The following ATP2A1 variants were observed in gnomAD, a reference collection of about 807,000 sequenced individuals.
ATP2A1 encodes ATPase sarcoplasmic/endoplasmic reticulum Ca2+ transporting 1.
In ATP2A1, 83 loss-of-function variants were observed where a neutral mutation model predicts 109.5. The observed-to-expected ratio is 0.76, with a 90% CI of 0.63 to 0.91. The LOEUF (loss-of-function observed/expected upper bound fraction) is 0.91. Among genes scored for constraint, ATP2A1 ranks in the 40% least tolerant of loss-of-function variants. The pLI, the probability that ATP2A1 is intolerant of heterozygous loss-of-function variation, is 0.00. For synonymous variants in ATP2A1, 505 were observed against 537.6 expected (o/e 0.94, Z 0.84); for missense variants, 1,101 against 1,341.0 (o/e 0.82, Z 2.80).
rs750195772 is a variant in ATP2A1 at position 28,882,554 on chromosome 16, G to T, written c.428G>T (p.Arg143Leu). The change falls in exon 5 of 23, where the codon CGG becomes CTG. Residue 143 changes from arginine (R) to leucine (L), a missense_variant. Transcript: ENST00000395503. Reference sequence around the variant, plus strand: ...AAGTCAGTGCAAAGGATCAAGGCTCGGGACATCGTCCCTGGGGACATCGTG... The same window carrying T: ...AAGTCAGTGCAAAGGATCAAGGCTCTGGACATCGTCCCTGGGGACATCGTG... Reference protein sequence around the residue: ...DRKSVQRIKARDIVPGDIVEV... With the variant: ...DRKSVQRIKALDIVPGDIVEV... 1 of 1,614,184 alleles carries T rather than the reference G, an allele frequency of 6.2e-7. No individual in the cohort carries two copies. Among genetic ancestry groups the T allele is most frequent in the Non-Finnish European group, 8.5e-7 (1 of 1,180,006 alleles).
At position 28,888,698 on chromosome 16, in the gene ATP2A1, C is replaced by T. The variant is rs566665219; in HGVS notation, c.929-89C>T. 9.9e-5 allele frequency: 147 copies of T among 1,485,960 alleles called. No homozygotes were observed. The African/African-American group carries it at 1.9e-3, about 19-fold the overall frequency. The allele number at this position is 1,485,960 out of a possible 1,614,324, so 92.0% of individuals were successfully genotyped here. The stretch of plus-strand genomic sequence containing the variant: ...AGGATTATAGGTGTGCACCAACGTG[C>T]CCAGCTGGGGGCTACTATTTAGCCC... On this transcript the variant is annotated intron_variant, in intron 8 of 22. Coordinates refer to ENST00000395503, the MANE Select transcript of ATP2A1 (RefSeq NM_004320.6).
At chr16:28,885,692 T>C (rs1255276617) in intron 6 of ATP2A1, among the ~76,000 whole-genome samples, 3 of 151,934 alleles carry the variant, frequency 2.0e-5, no homozygotes, top group Non-Finnish European at 4.4e-5. Context: ...GGACGGGTAG[T>C]GGGAGAAGGC....
chr16:28,888,258 C>T (rs976403269), intron 8 of ATP2A1, among the ~76,000 whole-genome samples: 1 of 152,158 alleles, frequency 6.6e-6, no homozygotes, highest in East Asian at 1.9e-4. Flanking sequence ...GTCTCGAACT[C>T]CTGGGCTCAA....
chr16:28,902,336 A>G lies in ATP2A1; in HGVS notation c.2474A>G (p.Lys825Arg). The G allele has an allele frequency of 6.2e-7, 1 of 1,614,066 alleles. No individual in the cohort carries two copies. The highest frequency in any genetic ancestry group is 8.5e-7 in the Non-Finnish European group (1 of 1,179,986). Residue 825 changes from lysine to arginine, a missense_variant, in exon 17 of 23, where the codon AAG becomes AGG. Physicochemically the swap from Lys to Arg is conservative, Grantham distance 26. Coordinates refer to ENST00000395503, the MANE Select transcript of ATP2A1 (RefSeq NM_004320.6). The surrounding 1 kb of genome is among the most constrained non-coding windows in gnomAD (Gnocchi z 4.8). ...ATGGACCGCCCCCCCCGGAGCCCCA[A>G]GGAGCCCCTCATCAGTGGCTGGCTC... Reference protein sequence around the residue: ...DIMDRPPRSPKEPLISGWLFF... With the variant: ...DIMDRPPRSPREPLISGWLFF...
intron 6 of ATP2A1, 36 bp downstream of exon 6, chr16:28,884,691 G>T: frequency 6.3e-7 from 1 of 1,579,296 alleles, no homozygotes; most frequent in Non-Finnish European, 8.7e-7. Flanking sequence ...CATGGGGGTG[G>T]GACGTGGGGA....
Position 28,879,041 on chromosome 16 carries a change from G to C in ATP2A1, c.119-58G>C, listed in dbSNP as rs565341699. ...CTCTTAGCCACAAAGTCTTGGGTGTGGGGGGCATGAGGCTGAACCCCAAAT... is the reference window on the plus strand; with the variant it reads ...CTCTTAGCCACAAAGTCTTGGGTGTCGGGGGCATGAGGCTGAACCCCAAAT... On this transcript the variant is annotated intron_variant, in intron 1 of 22. Coordinates refer to ENST00000395503, the MANE Select transcript of ATP2A1 (RefSeq NM_004320.6). 3.7e-6 allele frequency: 6 copies of C among 1,609,692 alleles called. No individual in the cohort carries two copies. In the African/African-American group the frequency reaches 4.0e-5, roughly 11 times the overall value.
At chr16:28,892,905 G>A (rs574764912) in intron 9 of ATP2A1, among the ~76,000 whole-genome samples, 13 of 152,232 alleles carry the variant, frequency 8.5e-5, no homozygotes, top group African/African-American at 2.4e-4. Flanking sequence ...TTAGCTGGGC[G>A]TGGTGGCGTA....
chr16:28,891,929 A>AG (rs1963784694), intron 9 of ATP2A1, among the ~76,000 whole-genome samples: 1 of 152,112 alleles, frequency 6.6e-6, no homozygotes, highest in African/African-American at 2.4e-5. Context: ...AAAAATACAT[A>AG]GGAAAGATAC....
At chr16:28,899,542 G>A (rs1249900295) in intron 14 of ATP2A1, among the ~76,000 whole-genome samples, 1 of 151,656 alleles carries the variant, frequency 6.6e-6, no homozygotes, top group Non-Finnish European at 1.5e-5. Context: ...TGGAGGCTGA[G>A]GCAGGAGAAT....
chr16:28,888,757 TTCCCTCACACCC>T lies in ATP2A1; in HGVS notation c.929-23_929-12del, dbSNP rs551640234. ...TTCCCTCACACCCTCCCCTTGCAGGTTCCCTCACACCCTCCCTCCCTCCCCACAGGTCTTCCT... is the reference window on the plus strand; with the variant it reads ...TTCCCTCACACCCTCCCCTTGCAGGTTCCCTCCCTCCCCACAGGTCTTCCT... On this transcript the variant is annotated intron_variant, in intron 8 of 22. Transcript: ENST00000395503. 1,088 of 1,610,362 alleles carry T rather than the reference TTCCCTCACACCC, an allele frequency of 6.8e-4. 14 individuals are homozygous for T. In the South Asian group the frequency reaches 0.011, roughly 16 times the overall value.
chr16:28,903,625 G>A lies in ATP2A1; in HGVS notation c.2981-75G>A, dbSNP rs1964158002. The A allele has an allele frequency of 4.8e-6, 6 of 1,255,008 alleles. No individual in the cohort carries two copies. Among genetic ancestry groups the A allele is most frequent in the Non-Finnish European group, 7.0e-6 (6 of 852,844 alleles). 77.7% of individuals were successfully genotyped at this position (1,255,008 alleles called of 1,614,324 possible). On this transcript the variant is annotated intron_variant, in intron 21 of 22. Coordinates refer to ENST00000395503, the MANE Select transcript of ATP2A1 (RefSeq NM_004320.6). This position sits in a 1 kb window ranked among gnomAD's most constrained non-coding sequence, Gnocchi z 5.6. ...CCGGGGCAGCCCCACTGCCTCCTCA[G>A]CCCCCACAGCCCCTATAGCCCCCAT...
At chr16:28,900,004 C>T (rs780523313) in intron 14 of ATP2A1, among the ~76,000 whole-genome samples, 5 of 148,020 alleles carry the variant, frequency 3.4e-5, no homozygotes, top group Admixed American at 2.0e-4. Context: ...AAAGGAAAGA[C>T]ACGATTTGGG....
intron 9 of ATP2A1, among the ~76,000 whole-genome samples, chr16:28,890,490 AAAAAT>A (rs1275377025): frequency 3.3e-5 from 5 of 151,678 alleles, no homozygotes; most frequent in African/African-American, 4.8e-5. Flanking sequence ...TCACGCACAA[AAAAAT>A]AAAATAAAAT....
rs1397342802 is a variant in ATP2A1 at position 28,894,545 on chromosome 16, G to A, written c.1225G>A (p.Gly409Arg). The A allele has an allele frequency of 3.7e-6, 6 of 1,614,050 alleles. No homozygotes were observed. Among genetic ancestry groups the A allele is most frequent in the East Asian group, 2.2e-5 (1 of 44,870 alleles). Reference sequence around the variant, plus strand: ...GCCAGTCCGGCCAGGGCAGTATGACGGGCTGGTGGAGCTGGCCACCATCTG... The same window carrying A: ...GCCAGTCCGGCCAGGGCAGTATGACAGGCTGGTGGAGCTGGCCACCATCTG... ...DKPVRPGQYD[G>R]LVELATICAL... The change falls in exon 11 of 23, where the codon GGG (glycine) becomes AGG (arginine). Residue 409 changes from glycine (G) to arginine (R), a missense_variant. By Grantham distance (125) the Gly-to-Arg change is moderately radical. Transcript: ENST00000395503.
intron 6 of ATP2A1, among the ~76,000 whole-genome samples, chr16:28,885,332 G>A (rs1963587823): frequency 6.6e-6 from 1 of 151,586 alleles, no homozygotes; most frequent in African/African-American, 2.4e-5. Context: ...TGTGGCAGTG[G>A]CAGCACTGCT....
At chr16:28,889,024 T>C in intron 9 of ATP2A1, 71 bp downstream of exon 9, 3 of 1,585,004 alleles carry the variant, frequency 1.9e-6, no homozygotes, top group South Asian at 2.2e-5. Context: ...CCTCCAAAGA[T>C]AGAGGTCTCC....
In ATP2A1 at chr16:28,904,352, C is replaced by T. The variant is rs867028891; in HGVS notation, c.*210C>T. Reference sequence around the variant, plus strand: ...TCCCTTTCCTTCCCCCTCGGCCACCCGCCTCCCTCTCAACCTTGTAAATTC... The same window carrying T: ...TCCCTTTCCTTCCCCCTCGGCCACCTGCCTCCCTCTCAACCTTGTAAATTC... On this transcript the variant is annotated 3_prime_UTR_variant, in exon 23 of 23. Coordinates refer to ENST00000395503, the MANE Select transcript of ATP2A1 (RefSeq NM_004320.6). 16 of 1,545,512 alleles carry T rather than the reference C, an allele frequency of 1.0e-5. No homozygotes were observed. The highest frequency in any genetic ancestry group is 5.9e-5 in the South Asian group (5 of 85,044).
intron 6 of ATP2A1, 144 bp downstream of exon 6, chr16:28,884,799 C>T (rs771862217): frequency 1.8e-5 from 14 of 772,746 alleles, no homozygotes; most frequent in Non-Finnish European, 2.6e-5. Flanking sequence ...ATTTTAAAAA[C>T]TAGCTGAGCA....
Position 28,903,616 on chromosome 16 carries a change from G to C in ATP2A1, c.2981-84G>C. 8.1e-7 allele frequency: 1 copy of C among 1,231,888 alleles called. No individual in the cohort carries two copies. The highest frequency in any genetic ancestry group is 1.2e-5 in the South Asian group (1 of 83,356). The allele number at this position is 1,231,888 out of a possible 1,614,324, so 76.3% of individuals were successfully genotyped here. ...GCCACATCTCCGGGGCAGCCCCACTGCCTCCTCAGCCCCCACAGCCCCTAT... is the reference window on the plus strand; with the variant it reads ...GCCACATCTCCGGGGCAGCCCCACTCCCTCCTCAGCCCCCACAGCCCCTAT... On this transcript the variant is annotated intron_variant, in intron 21 of 22. Transcript: ENST00000395503. The surrounding 1 kb of genome is among the most constrained non-coding windows in gnomAD (Gnocchi z 5.6).
Sources: allele counts gnomAD v4.1 joint callset (sites outside exome capture counted in the v4.1 genomes callset), GRCh38; gene constraint gnomAD v4.1.1; non-coding constraint Gnocchi (gnomAD v3.1); transcripts MANE v1.5; gene names NCBI Gene and HGNC (gene_info 2026-07-23, HGNC 2026-07-21).